GPM6B: variants seen among roughly 807,000 people sequenced by gnomAD.
GPM6B encodes the protein glycoprotein M6B.
Under a neutral mutation model 27.2 loss-of-function variants are expected in GPM6B, and 4 were observed. The ratio of observed to expected loss-of-function variants is 0.15; its 90% confidence interval spans 0.07 to 0.34. GPM6B has a LOEUF of 0.34. Ranked by LOEUF, GPM6B falls within the 10% of genes least tolerant of loss-of-function variation. The probability of loss-of-function intolerance (pLI) is 1.00; values close to 1 mark genes in which losing one functional copy is unlikely to be tolerated. For missense variants in GPM6B, 183 were observed against 261.9 expected (o/e 0.70, Z 2.08); for synonymous variants, 124 against 103.1 (o/e 1.20, Z -1.23).
intron 1 of GPM6B, among the ~76,000 whole-genome samples, chrX:13,895,058 G>T (rs1432394744): frequency 8.9e-6 from 1 of 111,764 alleles, no homozygotes; most frequent in Non-Finnish European, 1.9e-5. Flanking sequence ...TCTTTTGAGG[G>T]TTTTTCTCAT....
intron 1 of GPM6B, among the ~76,000 whole-genome samples, chrX:13,887,200 G>A (rs982881050): frequency 2.7e-5 from 3 of 112,261 alleles, no homozygotes; most frequent in African/African-American, 9.7e-5. Flanking sequence ...TGTTTTCCCT[G>A]CTGGTAACAA....
chrX:13,820,379 G>A (rs780396499), upstream of GPM6B, among the ~76,000 whole-genome samples: 187 of 110,940 alleles, frequency 1.7e-3, no homozygotes, highest in Non-Finnish European at 2.9e-3. Context: ...GTCATGCTGG[G>A]AACCAATATG....
intron 1 of GPM6B, among the ~76,000 whole-genome samples, chrX:13,861,127 CA>C (rs1262698307): frequency 1.0e-5 from 1 of 95,301 alleles, no homozygotes; most frequent in African/African-American, 4.3e-5. Context: ...TATACACATA[CA>C]TATATATATA....
At chrX:13,808,546 G>T (rs2049066850) in intron 1 of GPM6B, among the ~76,000 whole-genome samples, 1 of 111,931 alleles carries the variant, frequency 8.9e-6, no homozygotes, top group Non-Finnish European at 1.9e-5. Context: ...TCTCATAAAA[G>T]TTAGTTGAAT....
At chrX:13,774,624 G>A (rs771545651) in intron 7 of GPM6B, 11 of 1,195,283 alleles carry the variant, frequency 9.2e-6, no homozygotes, top group Non-Finnish European at 1.2e-5. Context: ...ATGTAGATCA[G>A]CTGGTGGAAG....
chrX:13,836,234 G>GA (rs916129041), intron 1 of GPM6B, among the ~76,000 whole-genome samples: 2 of 111,380 alleles, frequency 1.8e-5, no homozygotes, highest in Non-Finnish European at 3.8e-5. Context: ...ACTTCAATCA[G>GA]AAAAAAATTA....
chrX:13,933,498 T>A (rs941753172), intron 1 of GPM6B, among the ~76,000 whole-genome samples: 1 of 112,248 alleles, frequency 8.9e-6, no homozygotes, highest in Non-Finnish European at 1.9e-5. Context: ...CCAAGTAGTG[T>A]ACTTAAGAAG....
rs896443039 is a variant in GPM6B at position 13,772,710 on chromosome X, A to T, written c.*171T>A. On this transcript the variant is annotated 3_prime_UTR_variant, in exon 8 of 8. Coordinates refer to ENST00000316715, the MANE Select transcript of GPM6B (RefSeq NM_001001995.3). ...TCCAATATTTGTTCTAAAGAAAAAG[A>T]TTTACCCACTGGAAGGTTTTCCTAG... 2.7e-6 allele frequency: 1 copy of T among 364,138 alleles called. No individual in the cohort carries two copies. The highest frequency in any genetic ancestry group is 4.7e-6 in the Non-Finnish European group (1 of 213,861). 30.0% of individuals were successfully genotyped at this position (364,138 alleles called of 1,213,427 possible).
chrX:13,845,510 TGA>T (rs1387937892), intron 1 of GPM6B, among the ~76,000 whole-genome samples: 1 of 112,242 alleles, frequency 8.9e-6, no homozygotes, highest in Non-Finnish European at 1.9e-5. Context: ...AAGAATGAGT[TGA>T]GAGTGAAAAT....
At chrX:13,874,783 C>A (rs1234489040) in intron 1 of GPM6B, among the ~76,000 whole-genome samples, 2 of 111,457 alleles carry the variant, frequency 1.8e-5, no homozygotes, top group Non-Finnish European at 3.8e-5. Context: ...ACTGATTTTG[C>A]CACATAAGGG....
At position 13,777,399 on chromosome X, in the gene GPM6B, C is replaced by T; in HGVS notation, c.724G>A (p.Gly242Arg). ...TCCAGGGCAGAGCCACATATTTTTC[C>T]GGGGAAAGCATTCCAAGGAATGATA... ...YGIIPWNAFPGKICGSALENI... is the reference protein window; with the variant it reads ...YGIIPWNAFPRKICGSALENI... Residue 242 changes from glycine to arginine, a missense_variant, in exon 6 of 8, where the codon GGA becomes AGA. Gly to Arg is a moderately radical substitution (Grantham distance 125). Coordinates refer to ENST00000316715, the MANE Select transcript of GPM6B (RefSeq NM_001001995.3). The T allele has an allele frequency of 2.5e-6, 3 of 1,202,686 alleles. No individual in the cohort carries two copies. The highest frequency in any genetic ancestry group is 3.4e-6 in the Non-Finnish European group (3 of 887,361).
intron 1 of GPM6B, among the ~76,000 whole-genome samples, chrX:13,856,251 C>T (rs937701143): frequency 8.9e-6 from 1 of 111,861 alleles, no homozygotes; most frequent in African/African-American, 3.3e-5. Flanking sequence ...TCTCTACATG[C>T]TCACAGAAAC....
intron 4 of GPM6B, among the ~76,000 whole-genome samples, chrX:13,781,439 T>C (rs983375425): frequency 8.9e-6 from 1 of 112,074 alleles, no homozygotes; most frequent in African/African-American, 3.2e-5. Context: ...CCTCACAATT[T>C]GCCCACAAGG....
chrX:13,829,960 G>C (rs5935662), intron 1 of GPM6B, among the ~76,000 whole-genome samples: 1 of 107,915 alleles, frequency 9.3e-6, no homozygotes, highest in Non-Finnish European at 1.9e-5. Context: ...GATGTGCATA[G>C]AGCCTTGCCC....
At chrX:13,837,710 T>TGGGGGGGGGG (rs771546203) in intron 1 of GPM6B, among the ~76,000 whole-genome samples, 3 of 11,373 alleles carry the variant, frequency 2.6e-4, no homozygotes, top group Admixed American at 1.2e-3. Flanking sequence ...AGCAAGTTGG[T>TGGGGGGGGGG]GGGGGGGGGG....
chrX:13,861,137 T>C (rs755386971), intron 1 of GPM6B, among the ~76,000 whole-genome samples: 71 of 76,771 alleles, frequency 9.2e-4, no homozygotes, highest in Non-Finnish European at 1.3e-3. Flanking sequence ...CATATATATA[T>C]AATATACATA....
chrX:13,792,256 A>T (rs1252362047), intron 2 of GPM6B, among the ~76,000 whole-genome samples: 1 of 111,681 alleles, frequency 9.0e-6, no homozygotes, highest in East Asian at 2.8e-4. Context: ...TCTAGTGAGT[A>T]GAGACCAGGG....
At chrX:13,840,894 G>T (rs1386897123) in intron 1 of GPM6B, among the ~76,000 whole-genome samples, 1 of 111,867 alleles carries the variant, frequency 8.9e-6, no homozygotes, top group African/African-American at 3.3e-5. Flanking sequence ...GCACAAAGGA[G>T]GTGTCGGATA....
chrX:13,916,950 G>A (rs918715428), intron 1 of GPM6B, among the ~76,000 whole-genome samples: 8 of 111,448 alleles, frequency 7.2e-5, no homozygotes, highest in Non-Finnish European at 1.5e-4. Context: ...AGTGGCTCAT[G>A]CCTGTAATCC....
Sources: allele counts gnomAD v4.1 joint callset (sites outside exome capture counted in the v4.1 genomes callset), GRCh38; gene constraint gnomAD v4.1.1; transcripts MANE v1.5; gene names NCBI Gene and HGNC (gene_info 2026-07-23, HGNC 2026-07-21).